TBC1D19: variants seen among roughly 807,000 people sequenced by gnomAD.
The protein encoded by TBC1D19 is TBC1 domain family, member 19.
A neutral mutation model predicts 89.0 loss-of-function variants in TBC1D19; 60 were observed. The observed-to-expected ratio is 0.67, with a 90% CI of 0.55 to 0.84. The LOEUF (loss-of-function observed/expected upper bound fraction) is 0.84, where lower values mean the gene tolerates loss of function less well. Ranked by LOEUF, TBC1D19 falls within the 40% of genes least tolerant of loss-of-function variation. The probability of loss-of-function intolerance (pLI) is 0.00; values close to 1 mark genes in which losing one functional copy is unlikely to be tolerated. For missense variants in TBC1D19, 500 were observed against 610.8 expected, an observed-to-expected ratio of 0.82 and a Z score of 1.91; for synonymous variants, 189 against 199.7, an observed-to-expected ratio of 0.95 and a Z score of 0.45.
At chr4:26,714,309 G>A (rs961204697) in intron 13 of TBC1D19, among the ~76,000 whole-genome samples, 15 of 151,938 alleles carry the variant, frequency 9.9e-5, no homozygotes, top group Admixed American at 8.5e-4. Flanking sequence ...TGTGCACAAC[G>A]TGCAGGTTAG....
chr4:26,722,646 A>T (rs1234807630), intron 15 of TBC1D19, among the ~76,000 whole-genome samples: 2 of 152,200 alleles, frequency 1.3e-5, no homozygotes, highest in Non-Finnish European at 2.9e-5. Context: ...GCATATTATA[A>T]TTTAGCATCT....
intron 9 of TBC1D19, among the ~76,000 whole-genome samples, chr4:26,668,482 A>G (rs1712007603): frequency 6.6e-6 from 1 of 151,984 alleles, no homozygotes; most frequent in South Asian, 2.1e-4. Context: ...GACATAAGAC[A>G]TAATCTCTGC....
chr4:26,718,260 T>C (rs1223654626), intron 14 of TBC1D19, among the ~76,000 whole-genome samples: 1 of 151,974 alleles, frequency 6.6e-6, no homozygotes, highest in African/African-American at 2.4e-5. Context: ...CTGTGTGCTC[T>C]ACCCTTTATT....
intron 13 of TBC1D19, among the ~76,000 whole-genome samples, chr4:26,697,281 C>A (rs959224863): frequency 1.3e-5 from 2 of 152,170 alleles, no homozygotes; most frequent in African/African-American, 4.8e-5. Flanking sequence ...TTCCTGGACA[C>A]AAACACCCTC....
chr4:26,702,002 T>A (rs1207217889), intron 13 of TBC1D19, among the ~76,000 whole-genome samples: 1 of 152,176 alleles, frequency 6.6e-6, no homozygotes, highest in Non-Finnish European at 1.5e-5. Flanking sequence ...TCACCAGAGA[T>A]AAGAGGATTG....
chr4:26,696,690 C>T (rs942371400), intron 13 of TBC1D19, among the ~76,000 whole-genome samples: 1 of 152,204 alleles, frequency 6.6e-6, no homozygotes, highest in Non-Finnish European at 1.5e-5. Context: ...AACTAGAACT[C>T]AGGGTTAAGA....
chr4:26,688,200 T>G (rs1713983445), intron 12 of TBC1D19, 145 bp from the exon 13 acceptor site: 11 of 1,226,374 alleles, frequency 9.0e-6, no homozygotes, highest in Non-Finnish European at 1.0e-5. Context: ...AGTAAATACA[T>G]AGCAATGATA....
At chr4:26,801,294 G>C in the TBC1D19 span, among the ~76,000 whole-genome samples, 1 of 151,766 alleles carries the variant, frequency 6.6e-6, no homozygotes, top group African/African-American at 2.4e-5. Context: ...TTTTTGTCAG[G>C]TTTGTCAAAG....
At chr4:26,681,250 G>C (rs1198316622) in intron 11 of TBC1D19, among the ~76,000 whole-genome samples, 1 of 151,868 alleles carries the variant, frequency 6.6e-6, no homozygotes, top group Non-Finnish European at 1.5e-5. Flanking sequence ...AAGATACATA[G>C]AGCCTTGGCC....
intron 1 of TBC1D19, among the ~76,000 whole-genome samples, chr4:26,590,796 G>GTTTTGTTTTTTTTTTTTTT (rs1739722938): frequency 1.9e-5 from 1 of 52,958 alleles, no homozygotes; most frequent in Non-Finnish European, 3.1e-5. Flanking sequence ...TTGCAGGTCT[G>GTTTTGTTTTTTTTTTTTTT]TTTTTTTTTT....
the TBC1D19 span, among the ~76,000 whole-genome samples, chr4:26,787,341 A>G: frequency 6.6e-6 from 1 of 151,986 alleles, no homozygotes; most frequent in Admixed American, 6.6e-5. Flanking sequence ...AGCTCGGGCA[A>G]TCCACCCACC....
the TBC1D19 span, among the ~76,000 whole-genome samples, chr4:26,775,205 A>G: frequency 6.6e-6 from 1 of 152,214 alleles, no homozygotes; most frequent in African/African-American, 2.4e-5. Context: ...TAATCCCAGC[A>G]CTTTGGAAGG....
the TBC1D19 span, among the ~76,000 whole-genome samples, chr4:26,855,312 T>C: frequency 1.3e-5 from 2 of 152,220 alleles, no homozygotes; most frequent in African/African-American, 4.8e-5. Context: ...TGTAGATTGT[T>C]CGTGTATTCT....
chr4:26,670,983 T>C (rs1299422512), intron 9 of TBC1D19, among the ~76,000 whole-genome samples: 1 of 151,352 alleles, frequency 6.6e-6, no homozygotes, highest in Non-Finnish European at 1.5e-5. Context: ...TTTTTGGTTA[T>C]TATCAATGGT....
the TBC1D19 span, among the ~76,000 whole-genome samples, chr4:26,773,340 T>C: frequency 1.3e-5 from 2 of 152,138 alleles, no homozygotes; most frequent in African/African-American, 4.8e-5. Context: ...AAATTTGTTA[T>C]GTTTCTTGTA....
At chr4:26,752,637 G>C (rs140811507) in intron 19 of TBC1D19, among the ~76,000 whole-genome samples, 1 of 152,254 alleles carries the variant, frequency 6.6e-6, no homozygotes, top group Non-Finnish European at 1.5e-5. Context: ...GAGAAAAGGA[G>C]ATAAGTCAAG....
At chr4:26,737,829 C>T (rs1437561878) in intron 16 of TBC1D19, among the ~76,000 whole-genome samples, 1 of 151,908 alleles carries the variant, frequency 6.6e-6, no homozygotes. Flanking sequence ...AACATTGATA[C>T]AGATCTTTAA....
At chr4:26,661,252 A>G (rs1745207104) in intron 8 of TBC1D19, among the ~76,000 whole-genome samples, 1 of 152,162 alleles carries the variant, frequency 6.6e-6, no homozygotes, top group South Asian at 2.1e-4. Flanking sequence ...TGAAAACAGC[A>G]ATTAAGTGAA....
upstream of TBC1D19, among the ~76,000 whole-genome samples, chr4:26,579,670 C>A (rs115209027): frequency 6.8e-3 from 1,031 of 151,858 alleles, 12 homozygotes; most frequent in African/African-American, 0.023. Flanking sequence ...AACCCCCAAC[C>A]CCCAACAGGC....
Sources: gnomAD v4.1 joint callset for allele counts (sites outside exome capture counted in the v4.1 genomes callset) on GRCh38, gnomAD v4.1.1 for gene constraint, MANE v1.5 for transcripts, NCBI Gene and HGNC (gene_info 2026-07-23, HGNC 2026-07-21) for gene names.